Variants in VPS53 observed in about 807,000 individuals in gnomAD.
The protein encoded by VPS53 is vacuolar protein sorting-associated protein 53 homolog.
Under a neutral mutation model 107.0 loss-of-function variants are expected in VPS53, and 70 were observed. The ratio of observed to expected loss-of-function variants is 0.65; its 90% confidence interval spans 0.54 to 0.80. The LOEUF (loss-of-function observed/expected upper bound fraction) is 0.80. Ranked by LOEUF, VPS53 falls within the 30% of genes least tolerant of loss-of-function variation. The probability of loss-of-function intolerance (pLI) is 0.00; values close to 1 mark genes in which losing one functional copy is unlikely to be tolerated. For synonymous variants in VPS53, 409 were observed against 393.3 expected (o/e 1.04, Z -0.47); for missense variants, 917 against 1,049.4 (o/e 0.87, Z 1.74).
intron 13 of VPS53, among the ~76,000 whole-genome samples, chr17:585,710 A>AAG (rs1417965051): frequency 5.3e-5 from 8 of 152,220 alleles, no homozygotes; most frequent in Non-Finnish European, 1.0e-4. Flanking sequence ...ACCAAGATCA[A>AAG]AGAGATCTGA....
In VPS53 at chr17:601,871, G is replaced by C. The variant is rs767726858; in HGVS notation, c.1142C>G (p.Ser381Cys). 3 of 1,595,492 alleles carry C rather than the reference G, an allele frequency of 1.9e-6. No individual in the cohort carries two copies. In the South Asian group the frequency reaches 3.4e-5, roughly 18 times the overall value. Residue 381 changes from serine (S) to cysteine (C), a missense_variant, in exon 12 of 22, where the codon TCT becomes TGT. Physicochemically the swap from Ser to Cys is moderately radical, Grantham distance 112. Transcript: ENST00000437048. ...CTCATCTTCCAGGAAGGGATTGGTAGATGGGGGTGGAGACTCAAGCTTTTT... is the reference window on the plus strand; with the variant it reads ...CTCATCTTCCAGGAAGGGATTGGTACATGGGGGTGGAGACTCAAGCTTTTT... ...TLKKLESPPP[S>C]TNPFLEDEPT...
intron 7 of VPS53, among the ~76,000 whole-genome samples, chr17:642,383 AAACACTCATACTCGGAAACCGAGGAC>A (rs1567700469): frequency 2.6e-5 from 3 of 113,358 alleles, no homozygotes; most frequent in Admixed American, 9.2e-5. Flanking sequence ...AAAGCGAGGA[AAACACTCATACTCGGAAACCGAGGAC>A]AACACTCATA....
At chr17:590,220 T>C (rs1272303300) in intron 12 of VPS53, among the ~76,000 whole-genome samples, 5 of 152,182 alleles carry the variant, frequency 3.3e-5, no homozygotes, top group African/African-American at 9.7e-5. Flanking sequence ...TTTTTGTACA[T>C]TGATTTTGTA....
chr17:567,957 G>A (rs1913692102), intron 13 of VPS53, among the ~76,000 whole-genome samples: 1 of 152,068 alleles, frequency 6.6e-6, no homozygotes, highest in Non-Finnish European at 1.5e-5. Context: ...ATACTGCTGG[G>A]AGTTCCACTG....
chr17:546,329 T>TCTCTCACACA, intron 17 of VPS53, among the ~76,000 whole-genome samples: 1 of 131,976 alleles, frequency 7.6e-6, no homozygotes, highest in South Asian at 2.6e-4. Flanking sequence ...CTTAGATATC[T>TCTCTCACACA]CACACACACA....
In VPS53 at chr17:714,706, T is replaced by C. The variant is rs1437680051; in HGVS notation, c.4A>G (p.Met2Val). 2 of 1,612,604 alleles carry C rather than the reference T, an allele frequency of 1.2e-6. No homozygotes were observed. Among genetic ancestry groups the C allele is most frequent in the Non-Finnish European group, 1.7e-6 (2 of 1,179,538 alleles). Residue 2 changes from methionine to valine, a missense_variant, in exon 1 of 22, where the codon ATG (methionine) becomes GTG (valine). Transcript: ENST00000437048. Reference protein sequence around the residue: MMEEEELEFVEE... With the variant: MVEEEELEFVEE... ...ACGAACTCCAGTTCCTCCTCCTCCA[T>C]CATTCCGCCACCCGGCCCCCTGCCG...
At chr17:636,514 T>A (rs988014199) in intron 7 of VPS53, among the ~76,000 whole-genome samples, 2 of 152,230 alleles carry the variant, frequency 1.3e-5, no homozygotes, top group Non-Finnish European at 2.9e-5. Flanking sequence ...AGGGAATGCT[T>A]CCAGTTTTTG....
Position 578,015 on chromosome 17 carries a change from C to T in VPS53, c.1313+8255G>A, listed in dbSNP as rs749100464. ...AATTCCCTCAGAACATAATGCGTTC[C>T]CAAAGAACTTCCCTTAGGACCTCAA... On this transcript the variant is annotated intron_variant, in intron 13 of 21. Coordinates refer to ENST00000437048, the MANE Select transcript of VPS53 (RefSeq NM_001128159.3). Among the ~76,000 whole-genome samples the T allele has an allele frequency of 3.0e-4, 46 of 151,662 alleles. 1 individual carries two copies. Among genetic ancestry groups the T allele is most frequent in the Non-Finnish European group, 5.2e-4 (35 of 67,932 alleles).
intron 15 of VPS53, among the ~76,000 whole-genome samples, chr17:557,397 C>A (rs1912539907): frequency 6.6e-6 from 1 of 152,278 alleles, no homozygotes; most frequent in African/African-American, 2.4e-5. Flanking sequence ...TACTTAATTA[C>A]ATTTACCAAG....
intron 4 of VPS53, among the ~76,000 whole-genome samples, chr17:664,558 C>G (rs1971599119): frequency 1.3e-5 from 2 of 152,236 alleles, no homozygotes; most frequent in South Asian, 4.1e-4. Flanking sequence ...GGCCTCAAAG[C>G]ATAAGGATTC....
chr17:672,658 AGTCT>A (rs1486172276), intron 4 of VPS53, among the ~76,000 whole-genome samples: 2 of 152,234 alleles, frequency 1.3e-5, no homozygotes, highest in African/African-American at 4.8e-5. Context: ...AAAAAATTGA[AGTCT>A]TTTGTTCATT....
chr17:711,466 G>A (rs933841483), intron 1 of VPS53, among the ~76,000 whole-genome samples: 19 of 152,326 alleles, frequency 1.2e-4, no homozygotes, highest in African/African-American at 4.6e-4. Context: ...AGGTGGATGA[G>A]AAGAAAGTGA....
chr17:610,440 A>G (rs1968807138), intron 11 of VPS53, among the ~76,000 whole-genome samples: 1 of 152,204 alleles, frequency 6.6e-6, no homozygotes, highest in South Asian at 2.1e-4. Context: ...GAGGAAACCT[A>G]GGTAAGTCTC....
intron 7 of VPS53, among the ~76,000 whole-genome samples, chr17:636,634 T>C (rs1970208538): frequency 6.6e-6 from 1 of 152,254 alleles, no homozygotes; most frequent in South Asian, 2.1e-4. Context: ...GAAGGGCTGT[T>C]GAATTTTGTC....
At chr17:711,179 C>T (rs1366713842) in intron 1 of VPS53, among the ~76,000 whole-genome samples, 1 of 152,176 alleles carries the variant, frequency 6.6e-6, no homozygotes, top group African/African-American at 2.4e-5. Context: ...CACTGAACTC[C>T]AGCCTGGGCG....
intron 13 of VPS53, among the ~76,000 whole-genome samples, chr17:584,372 T>G (rs1451149576): frequency 6.6e-6 from 1 of 152,136 alleles, no homozygotes; most frequent in South Asian, 2.1e-4. Flanking sequence ...CAACGGACAC[T>G]GGAGCACGAA....
chr17:671,654 A>T lies in VPS53; in HGVS notation c.286-9759T>A, dbSNP rs999593028. Among the ~76,000 whole-genome samples the T allele has an allele frequency of 2.6e-5, 4 of 151,526 alleles. 1 individual carries two copies. The highest frequency in any genetic ancestry group is 2.6e-4 in the Admixed American group (4 of 15,236). On this transcript the variant is annotated intron_variant, in intron 4 of 21. Coordinates refer to ENST00000437048, the MANE Select transcript of VPS53 (RefSeq NM_001128159.3). ...TCTTCCTTTCACCGTGTTTCTACAG[A>T]GTCTGCTGTCCAAGAGCTGACCAGG...
rs373958274 is a variant in VPS53 at position 623,643 on chromosome 17, C to T, written c.1006G>A (p.Ala336Thr). 8.7e-6 allele frequency: 14 copies of T among 1,613,648 alleles called. No individual in the cohort carries two copies. The highest frequency in any genetic ancestry group is 1.0e-5 in the Non-Finnish European group (12 of 1,179,740). The change falls in exon 11 of 22, where the codon GCG becomes ACG. Residue 336 changes from alanine (A) to threonine (T), a missense_variant. Physicochemically the swap from Ala to Thr is moderately conservative, Grantham distance 58 (BLOSUM62 0). Transcript: ENST00000437048. ...AELAKIMRTRAKEIEVKLLLF... is the reference protein window; with the variant it reads ...AELAKIMRTRTKEIEVKLLLF... ...AGCAATTTCACTTCAATTTCCTTCG[C>T]TCTGGTACGCATAATCTTGGCAAGT...
intron 15 of VPS53, among the ~76,000 whole-genome samples, chr17:558,364 T>C (rs1426583953): frequency 1.3e-5 from 2 of 152,082 alleles, no homozygotes; most frequent in South Asian, 2.1e-4. Flanking sequence ...CTACTCACAG[T>C]GGCTCACGTC....
Sources: gnomAD v4.1 joint callset for allele counts (sites outside exome capture counted in the v4.1 genomes callset) on GRCh38, gnomAD v4.1.1 for gene constraint, MANE v1.5 for transcripts, NCBI Gene and HGNC (gene_info 2026-07-23, HGNC 2026-07-21) for gene names.